Variants in SOX6 observed in about 807,000 individuals in gnomAD.
SOX6 encodes SRY-box transcription factor 6.
In SOX6, 11 loss-of-function variants were observed where a neutral mutation model predicts 97.8. That is an observed-to-expected ratio of 0.11 (90% confidence interval 0.07 to 0.19). SOX6 has a LOEUF of 0.19. Ranked by LOEUF, SOX6 falls within the 10% of genes least tolerant of loss-of-function variation. The pLI is 1.00. For missense variants in SOX6, 810 were observed against 1,039.5 expected (o/e 0.78, Z 3.04); for synonymous variants, 360 against 371.4 (o/e 0.97, Z 0.35).
chr11:16,730,078 G>T (rs930091456), intron 2 of SOX6, among the ~76,000 whole-genome samples: 1 of 149,596 alleles, frequency 6.7e-6, no homozygotes, highest in African/African-American at 2.5e-5. Flanking sequence ...CAATACAGGA[G>T]CACCCAGATT....
intron 9 of SOX6, among the ~76,000 whole-genome samples, chr11:16,062,980 T>C (rs1847995294): frequency 1.3e-5 from 2 of 151,784 alleles, no homozygotes; most frequent in South Asian, 4.1e-4. Context: ...AGAAGAACTC[T>C]CTAGCTATCA....
At chr11:16,612,598 G>T (rs549324834) in intron 3 of SOX6, among the ~76,000 whole-genome samples, 1 of 151,876 alleles carries the variant, frequency 6.6e-6, no homozygotes, top group Admixed American at 6.6e-5. Context: ...GGTTGGGAGT[G>T]GGGGGATGGC....
At chr11:16,391,045 A>T (rs935084326) in intron 1 of SOX6, among the ~76,000 whole-genome samples, 12 of 152,314 alleles carry the variant, frequency 7.9e-5, no homozygotes, top group Admixed American at 5.2e-4. Context: ...CTTTGTAGGG[A>T]CATGGATGAA....
At chr11:16,065,366 A>G (rs1188108284) in intron 9 of SOX6, among the ~76,000 whole-genome samples, 1 of 152,148 alleles carries the variant, frequency 6.6e-6, no homozygotes, top group Non-Finnish European at 1.5e-5. Context: ...TGAAGAGGAA[A>G]TCAAAAAATG....
chr11:16,571,602 T>G (rs561473372), intron 4 of SOX6, among the ~76,000 whole-genome samples: 6 of 151,232 alleles, frequency 4.0e-5, no homozygotes, highest in African/African-American at 7.4e-5. Context: ...AGCCTCTACA[T>G]TCAGTTTTTG....
At chr11:16,180,971 A>G (rs985012289) in intron 6 of SOX6, among the ~76,000 whole-genome samples, 7 of 151,702 alleles carry the variant, frequency 4.6e-5, no homozygotes, top group African/African-American at 1.7e-4. Flanking sequence ...CAATTTGTGG[A>G]AGCCATTCAT....
At chr11:16,191,589 ATC>A (rs1248373331) in intron 4 of SOX6, among the ~76,000 whole-genome samples, 1 of 152,214 alleles carries the variant, frequency 6.6e-6, no homozygotes, top group Non-Finnish European at 1.5e-5. Context: ...ACCTAACATC[ATC>A]TGTTTCATGT....
intron 1 of SOX6, among the ~76,000 whole-genome samples, chr11:16,385,902 A>T (rs368341839): frequency 6.6e-6 from 1 of 152,174 alleles, no homozygotes; most frequent in Admixed American, 6.6e-5. Context: ...CCCACTAGCT[A>T]ATAGTCATTC....
chr11:15,974,167 C>T, intron 15 of SOX6, among the ~76,000 whole-genome samples: 1 of 152,088 alleles, frequency 6.6e-6, no homozygotes, highest in South Asian at 2.1e-4. Flanking sequence ...CATATTTATA[C>T]AAGCCGGGGT....
At chr11:16,012,315 A>G (rs1446920424) in intron 13 of SOX6, among the ~76,000 whole-genome samples, 1 of 152,062 alleles carries the variant, frequency 6.6e-6, no homozygotes, top group Non-Finnish European at 1.5e-5. Flanking sequence ...GCCAGGATAT[A>G]TCCTGAAGTC....
chr11:16,222,679 CTTCAT>C (rs1336980251), intron 4 of SOX6, among the ~76,000 whole-genome samples: 5 of 151,918 alleles, frequency 3.3e-5, no homozygotes, highest in African/African-American at 4.8e-5. Flanking sequence ...AATTTGAGCA[CTTCAT>C]TTCTAGTCAT....
At chr11:16,282,975 AAT>A (rs1854608745) in intron 3 of SOX6, among the ~76,000 whole-genome samples, 1 of 148,052 alleles carries the variant, frequency 6.8e-6, no homozygotes, top group Non-Finnish European at 1.5e-5. Flanking sequence ...GGAGAATCAA[AAT>A]TTATTTGGTG....
At chr11:16,221,190 T>G (rs1443756079) in intron 4 of SOX6, among the ~76,000 whole-genome samples, 1 of 152,076 alleles carries the variant, frequency 6.6e-6, no homozygotes, top group Non-Finnish European at 1.5e-5. Flanking sequence ...AGTGATGACA[T>G]TTGCATTGAT....
At chr11:16,136,170 C>A (rs1254584112) in intron 6 of SOX6, among the ~76,000 whole-genome samples, 1 of 151,986 alleles carries the variant, frequency 6.6e-6, no homozygotes, top group African/African-American at 2.4e-5. Context: ...AGTTGCGCAC[C>A]AACACGCCCA....
chr11:16,188,344 T>C (rs987375610), intron 4 of SOX6, among the ~76,000 whole-genome samples: 2 of 151,994 alleles, frequency 1.3e-5, no homozygotes, highest in Non-Finnish European at 2.9e-5. Context: ...AGAAAGTGTA[T>C]TCCACTGATA....
intron 4 of SOX6, among the ~76,000 whole-genome samples, chr11:16,554,310 T>C (rs77016256): frequency 6.4e-4 from 97 of 152,250 alleles, no homozygotes; most frequent in African/African-American, 2.2e-3. Context: ...GGGAGGGCAA[T>C]GCATCAGCCA....
intron 3 of SOX6, among the ~76,000 whole-genome samples, chr11:16,253,429 C>T (rs776823955): frequency 2.6e-5 from 4 of 151,474 alleles, no homozygotes; most frequent in Non-Finnish European, 5.9e-5. Context: ...AATTATTGGA[C>T]CAAATTTTTA....
At chr11:16,693,334 T>C (rs995998219) in intron 3 of SOX6, among the ~76,000 whole-genome samples, 1 of 152,152 alleles carries the variant, frequency 6.6e-6, no homozygotes, top group East Asian at 1.9e-4. Context: ...GGTGATTTGA[T>C]TTACCTTTCA....
intron 13 of SOX6, among the ~76,000 whole-genome samples, chr11:15,989,938 G>T (rs962674315): frequency 6.6e-6 from 1 of 152,134 alleles, no homozygotes. Flanking sequence ...GCACCAGATA[G>T]AATGGTCAGC....
Sources: allele counts gnomAD v4.1 joint callset (sites outside exome capture counted in the v4.1 genomes callset), GRCh38; gene constraint gnomAD v4.1.1; transcripts MANE v1.5; gene names NCBI Gene and HGNC (gene_info 2026-07-23, HGNC 2026-07-21).